The following RANBP2 variants were observed in gnomAD, a reference collection of about 807,000 sequenced individuals.
The protein encoded by RANBP2 is E3 SUMO-protein ligase RanBP2.
In RANBP2, 57 loss-of-function variants were observed where a neutral mutation model predicts 303.6. The observed-to-expected ratio is 0.19, with a 90% CI of 0.15 to 0.23. RANBP2 has a LOEUF of 0.23. RANBP2 is among the 10% of genes least tolerant of loss of function. The pLI is 1.00. For missense variants in RANBP2, 3,138 were observed against 3,780.8 expected (o/e 0.83, Z 4.46); for synonymous variants, 1,167 against 1,301.5 (o/e 0.90, Z 2.23).
chr2:109,437,586 G>A, the RANBP2 span, among the ~76,000 whole-genome samples: 1 of 152,206 alleles, frequency 6.6e-6, no homozygotes, highest in Non-Finnish European at 1.5e-5. Flanking sequence ...GGCCCTGCAG[G>A]GCTTCCCAGC....
At chr2:109,399,049 A>T in the RANBP2 span, 1 of 1,273,268 alleles carries the variant, frequency 7.9e-7, no homozygotes, top group Non-Finnish European at 1.1e-6. Flanking sequence ...AGGCCGCCCC[A>T]GAACTGCCTT....
chr2:108,974,287 A>C, the RANBP2 span, among the ~76,000 whole-genome samples: 2 of 140,034 alleles, frequency 1.4e-5, no homozygotes, highest in African/African-American at 5.5e-5. Context: ...CTGAGATCAC[A>C]CCACTGCACT....
the RANBP2 span, among the ~76,000 whole-genome samples, chr2:108,964,182 C>T: frequency 0.71 from 108,594 of 152,108 alleles, 44,348 homozygotes; most frequent in Non-Finnish European, 0.94. Context: ...TCCTGAAATG[C>T]TCTAATTAAA....
At chr2:109,648,711 T>G in the RANBP2 span, among the ~76,000 whole-genome samples, 1 of 149,268 alleles carries the variant, frequency 6.7e-6, no homozygotes, top group East Asian at 2.0e-4. Context: ...TGGAGTGCAG[T>G]GGCGTGATCT....
At chr2:109,094,185 A>G in the RANBP2 span, among the ~76,000 whole-genome samples, 6 of 152,104 alleles carry the variant, frequency 3.9e-5, no homozygotes, top group Admixed American at 2.6e-4. Flanking sequence ...CCAGCCCCCA[A>G]TGAGAGATGA....
chr2:109,098,173 T>G, the RANBP2 span, among the ~76,000 whole-genome samples: 8 of 152,330 alleles, frequency 5.3e-5, 1 homozygote, highest in East Asian at 1.5e-3. Context: ...GTCCAAATCC[T>G]TCCTAAATCT....
At chr2:108,857,365 G>A in the RANBP2 span, among the ~76,000 whole-genome samples, 107,952 of 151,922 alleles carry the variant, frequency 0.71, 41,482 homozygotes, top group East Asian at 0.9. Context: ...CACTGCGCCC[G>A]GACTATTGCA....
At chr2:109,352,779 C>T in the RANBP2 span, among the ~76,000 whole-genome samples, 1 of 152,240 alleles carries the variant, frequency 6.6e-6, no homozygotes, top group African/African-American at 2.4e-5. Flanking sequence ...GGAGGCTCAA[C>T]TCGCAGGGCA....
At chr2:109,649,099 T>C in the RANBP2 span, among the ~76,000 whole-genome samples, 12 of 152,244 alleles carry the variant, frequency 7.9e-5, no homozygotes, top group South Asian at 2.5e-3. Flanking sequence ...AAAACGGTAA[T>C]AGATAATGCT....
At chr2:109,213,606 A>G in the RANBP2 span, among the ~76,000 whole-genome samples, 5 of 152,316 alleles carry the variant, frequency 3.3e-5, no homozygotes, top group Middle Eastern at 3.4e-3. Flanking sequence ...GCTGTGTCCA[A>G]CACAGCAGGC....
the RANBP2 span, among the ~76,000 whole-genome samples, chr2:109,497,564 A>G: frequency 7.2e-5 from 11 of 152,160 alleles, no homozygotes; most frequent in African/African-American, 2.7e-4. Context: ...TTTATGACGC[A>G]CAGTTGTGAC....
chr2:109,091,724 G>A, the RANBP2 span, among the ~76,000 whole-genome samples: 4 of 152,336 alleles, frequency 2.6e-5, no homozygotes, highest in African/African-American at 9.6e-5. Flanking sequence ...CTAGGGGCTG[G>A]CTCTGGTACT....
chr2:108,855,944 C>T, the RANBP2 span, among the ~76,000 whole-genome samples: 10,938 of 152,108 alleles, frequency 0.072, 502 homozygotes, highest in South Asian at 0.15. Context: ...ATAGCATGAA[C>T]GGTTTTTTTT....
chr2:109,709,307 A>AAAAATAAAAT, the RANBP2 span, among the ~76,000 whole-genome samples: 29,829 of 127,372 alleles, frequency 0.23, 3,999 homozygotes, highest in Non-Finnish European at 0.29. Context: ...ACTGTGTCTC[A>AAAAATAAAAT]AAAATAAAAT....
the RANBP2 span, among the ~76,000 whole-genome samples, chr2:109,117,297 C>A: frequency 2.6e-5 from 4 of 152,234 alleles, no homozygotes; most frequent in Non-Finnish European, 4.4e-5. Flanking sequence ...CCAGTTGGAG[C>A]TTCCTGGCTG....
chr2:109,507,938 G>A, the RANBP2 span, among the ~76,000 whole-genome samples: 8 of 152,284 alleles, frequency 5.3e-5, no homozygotes, highest in African/African-American at 1.4e-4. Flanking sequence ...AGCCTGTCCT[G>A]TCCCAAATGC....
At chr2:109,671,325 T>A in the RANBP2 span, among the ~76,000 whole-genome samples, 1 of 151,714 alleles carries the variant, frequency 6.6e-6, no homozygotes, top group Non-Finnish European at 1.5e-5. Flanking sequence ...GCAGTAGCCA[T>A]GTGGTAGGAG....
the RANBP2 span, chr2:109,552,993 C>A: frequency 7.0e-7 from 1 of 1,435,914 alleles, no homozygotes; most frequent in Non-Finnish European, 9.5e-7. Flanking sequence ...AAGTAGCCTA[C>A]AAAAGAGTCT....
At chr2:108,910,354 T>A in the RANBP2 span, 4 of 897,158 alleles carry the variant, frequency 4.5e-6, no homozygotes, top group Non-Finnish European at 7.2e-6. Flanking sequence ...GTCCCCATAG[T>A]GTCCCAGGCT....
Sources: gnomAD v4.1 joint callset for allele counts (sites outside exome capture counted in the v4.1 genomes callset) on GRCh38, gnomAD v4.1.1 for gene constraint, MANE v1.5 for transcripts, NCBI Gene and HGNC (gene_info 2026-07-23, HGNC 2026-07-21) for gene names.